The following GLT1D1 variants were observed in gnomAD, a reference collection of about 807,000 sequenced individuals.
GLT1D1 encodes the protein glycosyltransferase 1 domain containing 1, also known as glycosyltransferase 1 domain-containing protein 1.
GLT1D1 carries 21 observed loss-of-function variants against 28.7 expected under a neutral mutation model. That is an observed-to-expected ratio of 0.73 (90% CI 0.52 to 1.05). The LOEUF (loss-of-function observed/expected upper bound fraction) is 1.05, where lower values mean the gene tolerates loss of function less well. Among genes scored for constraint, GLT1D1 ranks in the 50% least tolerant of loss-of-function variants. The probability of loss-of-function intolerance (pLI) is 0.00; values close to 1 mark genes in which losing one functional copy is unlikely to be tolerated. For missense variants in GLT1D1, 343 were observed against 330.6 expected (o/e 1.04, Z -0.29); for synonymous variants, 147 against 124.8 (o/e 1.18, Z -1.19).
intron 1 of GLT1D1, among the ~76,000 whole-genome samples, chr12:128,867,136 G>C (rs1255404304): frequency 6.7e-6 from 1 of 150,158 alleles, no homozygotes; most frequent in Admixed American, 6.6e-5. Context: ...GCTCACGCCT[G>C]TAATCCCAGC....
intron 1 of GLT1D1, among the ~76,000 whole-genome samples, chr12:128,873,248 T>C (rs1381114876): frequency 6.6e-6 from 1 of 152,162 alleles, no homozygotes; most frequent in Non-Finnish European, 1.5e-5. Context: ...TGTATCCTTC[T>C]AGAGATATTC....
chr12:128,931,915 A>ACACACACACGCACG (rs1555270728), intron 4 of GLT1D1, among the ~76,000 whole-genome samples: 1 of 150,382 alleles, frequency 6.6e-6, no homozygotes, highest in South Asian at 2.1e-4. Flanking sequence ...ACACACACGC[A>ACACACACACGCACG]CGCACACACA....
At chr12:128,866,578 C>T (rs1477585554) in intron 1 of GLT1D1, among the ~76,000 whole-genome samples, 1 of 150,962 alleles carries the variant, frequency 6.6e-6, no homozygotes, top group Non-Finnish European at 1.5e-5. Flanking sequence ...ATCTTTTCCC[C>T]CACAGTATCC....
intron 4 of GLT1D1, among the ~76,000 whole-genome samples, chr12:128,907,619 A>G (rs769688514): frequency 6.6e-6 from 1 of 152,056 alleles, no homozygotes; most frequent in Non-Finnish European, 1.5e-5. Context: ...ATCATTTTTA[A>G]TAGCTTCTAT....
At chr12:128,909,329 C>CTT (rs33945594) in intron 4 of GLT1D1, among the ~76,000 whole-genome samples, 59,100 of 151,104 alleles carry the variant, frequency 0.39, 11,744 homozygotes, top group East Asian at 0.49. Flanking sequence ...ATATTACTTT[C>CTT]TTTTTTTTTA....
At chr12:128,923,296 G>T (rs1181566441) in intron 4 of GLT1D1, among the ~76,000 whole-genome samples, 1 of 152,174 alleles carries the variant, frequency 6.6e-6, no homozygotes, top group Non-Finnish European at 1.5e-5. Flanking sequence ...AATTATACAG[G>T]TTATAAATGC....
intron 6 of GLT1D1, among the ~76,000 whole-genome samples, chr12:128,952,919 C>T (rs1313364612): frequency 6.6e-6 from 1 of 151,776 alleles, no homozygotes; most frequent in Non-Finnish European, 1.5e-5. Flanking sequence ...GCTGGAACCA[C>T]AGGCATGCAC....
chr12:128,944,176 A>G (rs1393752693), intron 4 of GLT1D1: 3 of 397,566 alleles, frequency 7.5e-6, no homozygotes, highest in Non-Finnish European at 1.5e-5. Context: ...CAAAGAATTC[A>G]TACATACTGG....
intron 7 of GLT1D1, among the ~76,000 whole-genome samples, chr12:128,959,923 G>T (rs1345444541): frequency 6.6e-6 from 1 of 152,104 alleles, no homozygotes; most frequent in Non-Finnish European, 1.5e-5. Flanking sequence ...ATCAGTGAAC[G>T]TCTGAATAGC....
chr12:128,856,827 T>G (rs1212623555), intron 1 of GLT1D1, among the ~76,000 whole-genome samples: 2 of 152,060 alleles, frequency 1.3e-5, no homozygotes, highest in Non-Finnish European at 2.9e-5. Flanking sequence ...ATTAGCCAGC[T>G]GTGGTGGCAC....
At chr12:128,863,207 G>C (rs772726700) in intron 1 of GLT1D1, among the ~76,000 whole-genome samples, 13 of 152,142 alleles carry the variant, frequency 8.5e-5, no homozygotes, top group Non-Finnish European at 1.6e-4. Flanking sequence ...GGGATGAAAA[G>C]GGTCTGATCG....
At chr12:128,876,138 G>A (rs1035798996) in intron 2 of GLT1D1, 76 bp downstream of exon 2, 35 of 1,275,602 alleles carry the variant, frequency 2.7e-5, no homozygotes, top group African/African-American at 9.0e-5. Flanking sequence ...CCAATAACAC[G>A]GGAAACAGTG....
chr12:128,913,673 T>C (rs1226922666), intron 4 of GLT1D1, among the ~76,000 whole-genome samples: 1 of 152,218 alleles, frequency 6.6e-6, no homozygotes, highest in Admixed American at 6.5e-5. Context: ...ACTTCCATGG[T>C]GCTCAGGCGC....
Position 128,936,247 on chromosome 12 carries a change from C to T in GLT1D1, c.376-9079C>T, listed in dbSNP as rs540188396. 8.0e-4 allele frequency among the ~76,000 whole-genome samples: 121 copies of T among 151,752 alleles called. 3 individuals are homozygous for T. The highest frequency in any genetic ancestry group is 7.5e-3 in the Admixed American group (114 of 15,230). ...TCGGCTCACTGCAAGCTCCGCCTCC[C>T]GGGTTCACGCCATTCTCCTGCCTCA... is the stretch of plus-strand genomic sequence containing the variant. On this transcript the variant is annotated intron_variant, in intron 4 of 7. Coordinates refer to ENST00000281703, the MANE Select transcript of GLT1D1 (RefSeq NM_144669.3).
At chr12:128,974,782 C>CAA (rs1879604571) in intron 7 of GLT1D1, among the ~76,000 whole-genome samples, 1 of 152,252 alleles carries the variant, frequency 6.6e-6, no homozygotes, top group African/African-American at 2.4e-5. Flanking sequence ...CCCCCAGGTC[C>CAA]TGAATTCTGA....
intron 2 of GLT1D1, among the ~76,000 whole-genome samples, chr12:128,881,774 G>GT (rs1957067222): frequency 6.6e-6 from 1 of 150,570 alleles, no homozygotes. Flanking sequence ...TAGTTTGTGT[G>GT]TATATTTTAA....
intron 7 of GLT1D1, among the ~76,000 whole-genome samples, chr12:128,978,636 A>G (rs1156998814): frequency 6.6e-6 from 1 of 152,156 alleles, no homozygotes; most frequent in Non-Finnish European, 1.5e-5. Flanking sequence ...CCAGACCCCA[A>G]GAGAGGGTTC....
intron 7 of GLT1D1, among the ~76,000 whole-genome samples, chr12:128,981,726 G>A (rs1173601265): frequency 1.3e-5 from 2 of 152,160 alleles, no homozygotes; most frequent in Non-Finnish European, 2.9e-5. Context: ...GAATAACCAT[G>A]GTAATGAGAG....
At chr12:128,937,036 T>C (rs1593158354) in intron 4 of GLT1D1, among the ~76,000 whole-genome samples, 1 of 152,370 alleles carries the variant, frequency 6.6e-6, no homozygotes, top group East Asian at 1.9e-4. Flanking sequence ...AAAGTGTTTT[T>C]GTGGTCTTAT....
Sources: gnomAD v4.1 joint callset for allele counts (sites outside exome capture counted in the v4.1 genomes callset) on GRCh38, gnomAD v4.1.1 for gene constraint, MANE v1.5 for transcripts, NCBI Gene and HGNC (gene_info 2026-07-23, HGNC 2026-07-21) for gene names.